Variants in ACSL1 observed in about 807,000 individuals in gnomAD.
The protein encoded by ACSL1 is acyl-CoA synthetase long chain family member 1.
A neutral mutation model predicts 98.4 loss-of-function variants in ACSL1; 41 were observed. The ratio of observed to expected loss-of-function variants is 0.42; its 90% CI spans 0.32 to 0.54. The LOEUF (loss-of-function observed/expected upper bound fraction) is 0.54. ACSL1 is among the 20% of genes least tolerant of loss of function. The pLI is 0.13. For synonymous variants in ACSL1, 316 were observed against 322.7 expected (o/e 0.98, Z 0.22); for missense variants, 734 against 883.1 (o/e 0.83, Z 2.14).
At chr4:184,758,471 C>T (rs935721657) in intron 18 of ACSL1, 3 of 153,136 alleles carry the variant, frequency 2.0e-5, no homozygotes, top group Non-Finnish European at 4.4e-5. Flanking sequence ...AGGAGGATCC[C>T]CTGGAACCCA....
chr4:184,774,151 T>C (rs1182562696), intron 7 of ACSL1, among the ~76,000 whole-genome samples: 1 of 152,134 alleles, frequency 6.6e-6, no homozygotes, highest in East Asian at 1.9e-4. Context: ...TAGGATGTAT[T>C]AAAAAAACAG....
At chr4:184,822,873 A>T (rs557298417) in intron 1 of ACSL1, among the ~76,000 whole-genome samples, 1 of 152,344 alleles carries the variant, frequency 6.6e-6, no homozygotes, top group African/African-American at 2.4e-5. Context: ...TTTCTTATGC[A>T]TTGACATTCA....
At chr4:184,786,829 G>T (rs1767458751) in intron 3 of ACSL1, among the ~76,000 whole-genome samples, 2 of 151,928 alleles carry the variant, frequency 1.3e-5, no homozygotes, top group South Asian at 2.1e-4. Context: ...GAGTAGCGGG[G>T]GTTACAGACA....
chr4:184,821,419 A>C (rs1773062242), intron 1 of ACSL1: 1 of 176,872 alleles, frequency 5.7e-6, no homozygotes, highest in African/African-American at 2.4e-5. Flanking sequence ...ATTTATCAGA[A>C]GTCCCCTCCA....
In ACSL1 at chr4:184,803,286, A is replaced by G. The variant is rs1289896620; in HGVS notation, c.195+34T>C. On this transcript the variant is annotated intron_variant, in intron 2 of 20. Transcript: ENST00000281455. The surrounding 1 kb of genome is among the most constrained non-coding windows in gnomAD (Gnocchi z 4.8). Reference sequence around the variant, plus strand: ...TCAGCTCATCTGGGGAAATGCGGAGAAAACGCACGAGGCAGGCTGGGCCCT... The same window carrying G: ...TCAGCTCATCTGGGGAAATGCGGAGGAAACGCACGAGGCAGGCTGGGCCCT... 1.9e-5 allele frequency: 29 copies of G among 1,491,378 alleles called. No individual in the cohort carries two copies. The highest frequency in any genetic ancestry group is 2.5e-5 in the Non-Finnish European group (28 of 1,114,422). 92.4% of individuals were successfully genotyped at this position (1,491,378 alleles called of 1,614,324 possible).
intron 2 of ACSL1, among the ~76,000 whole-genome samples, chr4:184,794,689 G>A (rs1769036946): frequency 6.6e-6 from 1 of 152,194 alleles, no homozygotes; most frequent in East Asian, 1.9e-4. Flanking sequence ...AGCTCAATGA[G>A]ACATCCAGGT....
rs1424973725 is a variant in ACSL1, at chr4:184,764,845, A to G, written c.1432+8T>C. On this transcript the variant is annotated splice_region_variant and intron_variant, in intron 15 of 20. Coordinates refer to ENST00000281455, the MANE Select transcript of ACSL1 (RefSeq NM_001995.5). Reference sequence around the variant, plus strand: ...AAAATTCCAAAAAGGAGCCTCCTACAGCCATACCTGCGGTCCAGTCTCCAG... The same window carrying G: ...AAAATTCCAAAAAGGAGCCTCCTACGGCCATACCTGCGGTCCAGTCTCCAG... The G allele has an allele frequency of 6.2e-7, 1 of 1,612,568 alleles. No homozygotes were observed.
intron 1 of ACSL1, among the ~76,000 whole-genome samples, chr4:184,811,326 A>C (rs34348426): frequency 0.13 from 20,080 of 151,532 alleles, 1,648 homozygotes; most frequent in Non-Finnish European, 0.19. Context: ...GTTGGCCAGG[A>C]TGGTCTCGAT....
intron 14 of ACSL1, among the ~76,000 whole-genome samples, chr4:184,765,283 G>A (rs551148196): frequency 3.0e-4 from 45 of 152,276 alleles, no homozygotes; most frequent in African/African-American, 9.9e-4. Flanking sequence ...TTGTCAGCAT[G>A]GTGTGCGGGT....
intron 5 of ACSL1, among the ~76,000 whole-genome samples, chr4:184,778,845 A>T (rs150636269): frequency 1.4e-3 from 206 of 152,318 alleles, no homozygotes; most frequent in African/African-American, 4.6e-3. Flanking sequence ...TGGGATGAAA[A>T]AAACTAAATT....
chr4:184,803,501 T>A lies in ACSL1; in HGVS notation c.14A>T (p.Glu5Val), dbSNP rs1305718177. The change falls in exon 2 of 21, where the codon GAG becomes GTG. Residue 5 changes from glutamate (E) to valine (V), a missense_variant. Glu to Val is a moderately radical substitution (Grantham distance 121). Transcript: ENST00000281455. This position sits in a 1 kb window ranked among gnomAD's most constrained non-coding sequence, Gnocchi z 4.8. The stretch of plus-strand genomic sequence containing the variant: ...TGGCATTCGAAAATACCGGAACAGC[T>A]CATGGGCTTGCATTGTCCTGTGTTG... MQAH[E>V]LFRYFRMPEL... The A allele has an allele frequency of 6.3e-7, 1 of 1,593,358 alleles. No individual in the cohort carries two copies. The highest frequency in any genetic ancestry group is 1.1e-5 in the South Asian group (1 of 88,208).
At chr4:184,772,193 C>T (rs550743711) in intron 10 of ACSL1, among the ~76,000 whole-genome samples, 7 of 152,292 alleles carry the variant, frequency 4.6e-5, no homozygotes, top group South Asian at 2.1e-4. Flanking sequence ...TGGTAAGGTA[C>T]TAAATGTTGA....
intron 1 of ACSL1, among the ~76,000 whole-genome samples, chr4:184,823,582 C>T (rs1257370397): frequency 2.0e-5 from 3 of 152,138 alleles, no homozygotes; most frequent in Non-Finnish European, 2.9e-5. Flanking sequence ...ACAAGACAAC[C>T]TTATCTTTTC....
chr4:184,793,655 G>A (rs1579922271), intron 2 of ACSL1, among the ~76,000 whole-genome samples: 1 of 152,308 alleles, frequency 6.6e-6, no homozygotes, highest in Non-Finnish European at 1.5e-5. Flanking sequence ...GGGCGAAAGT[G>A]AGAAGGGAGA....
chr4:184,793,654 T>G (rs1015086741), intron 2 of ACSL1, among the ~76,000 whole-genome samples: 1 of 151,654 alleles, frequency 6.6e-6, no homozygotes, highest in African/African-American at 2.4e-5. Flanking sequence ...AGGGCGAAAG[T>G]GAGAAGGGAG....
rs183023165 is a variant in ACSL1, at chr4:184,777,716, C to T, written c.478-733G>A. Among the ~76,000 whole-genome samples, 7 of 152,158 alleles carry T rather than the reference C, an allele frequency of 4.6e-5. No homozygotes were observed. In the East Asian group the frequency reaches 7.7e-4, roughly 17 times the overall value. ...ACCCAGAGATAAGAAAGCCCACCAT[C>T]GGCCAAGGTAGCTACAGATGCTACT... On this transcript the variant is annotated intron_variant, in intron 5 of 20. Transcript: ENST00000281455.
intron 7 of ACSL1, 57 bp downstream of exon 7, chr4:184,776,427 G>A: frequency 6.4e-7 from 1 of 1,567,886 alleles, no homozygotes; most frequent in South Asian, 1.2e-5. Context: ...TAGCACGTGT[G>A]AGCCAACACG....
intron 1 of ACSL1, chr4:184,808,494 TCTTTC>T: frequency 1.0e-6 from 1 of 985,422 alleles, no homozygotes; most frequent in Non-Finnish European, 1.2e-6. Flanking sequence ...AAGCCTGACA[TCTTTC>T]CTTAACGCAG....
chr4:184,779,904 C>T (rs1166505805), intron 5 of ACSL1, among the ~76,000 whole-genome samples: 5 of 147,824 alleles, frequency 3.4e-5, no homozygotes, highest in Admixed American at 2.0e-4. Flanking sequence ...CGGAGTTTCG[C>T]TCTTGTTGCC....
Sources: allele counts gnomAD v4.1 joint callset (sites outside exome capture counted in the v4.1 genomes callset), GRCh38; gene constraint gnomAD v4.1.1; non-coding constraint Gnocchi (gnomAD v3.1); transcripts MANE v1.5; gene names NCBI Gene and HGNC (gene_info 2026-07-23, HGNC 2026-07-21).